The following LRRC7 variants were observed in gnomAD, a reference collection of about 807,000 sequenced individuals.
LRRC7 encodes leucine rich repeat containing 7, also known as leucine-rich repeat-containing protein 7.
Under a neutral mutation model 175.7 loss-of-function variants are expected in LRRC7, and 23 were observed. The ratio of observed to expected loss-of-function variants is 0.13; its 90% confidence interval spans 0.09 to 0.19. The LOEUF is 0.19. Among genes scored for constraint, LRRC7 ranks in the 10% least tolerant of loss-of-function variants. The pLI is 1.00. For missense variants in LRRC7, 1,354 were observed against 1,904.7 expected (o/e 0.71, Z 5.38); for synonymous variants, 685 against 680.9 (o/e 1.01, Z -0.09).
chr1:69,594,002 A>G (rs1553122373), intron 1 of LRRC7, among the ~76,000 whole-genome samples: 1 of 152,092 alleles, frequency 6.6e-6, no homozygotes, highest in Non-Finnish European at 1.5e-5. Context: ...TTCTGCAGGT[A>G]TTTTTTTCCT....
At chr1:70,117,807 C>A (rs1385110557) in intron 26 of LRRC7, among the ~76,000 whole-genome samples, 3 of 152,002 alleles carry the variant, frequency 2.0e-5, no homozygotes, top group Admixed American at 6.6e-5. Flanking sequence ...CAAAATTGTA[C>A]ACATTTTATT....
chr1:69,772,078 G>A (rs984338690), intron 3 of LRRC7, among the ~76,000 whole-genome samples: 3 of 152,084 alleles, frequency 2.0e-5, no homozygotes, highest in East Asian at 1.9e-4. Flanking sequence ...CTGAAATCGC[G>A]CCACTGCATT....
At chr1:70,079,101 A>G (rs991018797) in intron 24 of LRRC7, among the ~76,000 whole-genome samples, 13 of 152,262 alleles carry the variant, frequency 8.5e-5, no homozygotes, top group African/African-American at 2.2e-4. Flanking sequence ...GACCTTTTTA[A>G]TAAGTGTATG....
chr1:69,939,906 C>T (rs1648534365), intron 8 of LRRC7, among the ~76,000 whole-genome samples: 1 of 152,188 alleles, frequency 6.6e-6, no homozygotes, highest in Admixed American at 6.6e-5. Context: ...GAAAAGCAAT[C>T]ATTCCATAGT....
At position 70,023,269 on chromosome 1, in the gene LRRC7, G is replaced by A. The variant is rs763031425; in HGVS notation, c.1689G>A (p.Gln563=). Residue 563 remains glutamine, a synonymous_variant, in exon 17 of 27, where the codon CAG becomes CAA. Coordinates refer to ENST00000651989, the MANE Select transcript of LRRC7 (RefSeq NM_001370785.2). ...TGCCCGTCCCCCAGAATGACCCACAGCTGGCATGGGGTTGTATAAGTGGCC... is the reference window on the plus strand; with the variant it reads ...TGCCCGTCCCCCAGAATGACCCACAACTGGCATGGGGTTGTATAAGTGGCC... ...QDMPVPQNDP[Q]LAWGCISGLQ... The A allele has an allele frequency of 6.2e-7, 1 of 1,613,568 alleles. No individual in the cohort carries two copies. Among genetic ancestry groups the A allele is most frequent in the South Asian group, 1.1e-5 (1 of 91,004 alleles).
chr1:69,644,251 T>C (rs927971063), intron 1 of LRRC7, among the ~76,000 whole-genome samples: 4 of 152,038 alleles, frequency 2.6e-5, no homozygotes, highest in Non-Finnish European at 4.4e-5. Context: ...AAGAGAGAGA[T>C]ATTGTGTTTT....
At chr1:69,682,832 T>TG (rs1205248987) in intron 2 of LRRC7, among the ~76,000 whole-genome samples, 1 of 152,314 alleles carries the variant, frequency 6.6e-6, no homozygotes, top group African/African-American at 2.4e-5. Context: ...ATAGTCCCTC[T>TG]GGTTACTCTT....
At chr1:70,034,973 A>G (rs192897160) in intron 18 of LRRC7, among the ~76,000 whole-genome samples, 55 of 152,298 alleles carry the variant, frequency 3.6e-4, no homozygotes, top group Admixed American at 6.5e-4. Flanking sequence ...TATAAAATTT[A>G]TAGTAAGAGT....
At chr1:70,053,274 A>G (rs1660881774) in intron 23 of LRRC7, 129 bp downstream of exon 23, 3 of 835,484 alleles carry the variant, frequency 3.6e-6, no homozygotes, top group Non-Finnish European at 5.1e-6. Flanking sequence ...TTATGCTACT[A>G]CACGAGTTTG....
intron 25 of LRRC7, among the ~76,000 whole-genome samples, chr1:70,103,808 G>T (rs1410491894): frequency 2.6e-5 from 4 of 152,126 alleles, no homozygotes; most frequent in African/African-American, 9.7e-5. Flanking sequence ...AATTAAACTT[G>T]AAATTAAAGT....
intron 5 of LRRC7, among the ~76,000 whole-genome samples, chr1:69,830,731 A>G (rs1680435710): frequency 6.6e-6 from 1 of 151,958 alleles, no homozygotes; most frequent in South Asian, 2.1e-4. Context: ...GAGTTGAAAT[A>G]AAACATAGAT....
chr1:69,718,132 A>AAGGAGAGAG (rs1665879559), intron 2 of LRRC7, among the ~76,000 whole-genome samples: 1 of 54,764 alleles, frequency 1.8e-5, no homozygotes. Context: ...AAAGAAAAGA[A>AAGGAGAGAG]AGAAAGAGAG....
intron 1 of LRRC7, among the ~76,000 whole-genome samples, chr1:69,663,946 C>T (rs566484014): frequency 1.1e-4 from 16 of 151,838 alleles, no homozygotes; most frequent in African/African-American, 2.9e-4. Context: ...TGGTCTCGAT[C>T]TCCTGACCTC....
intron 1 of LRRC7, among the ~76,000 whole-genome samples, chr1:69,669,257 G>A (rs1026935301): frequency 6.6e-6 from 1 of 152,156 alleles, no homozygotes; most frequent in Admixed American, 6.5e-5. Context: ...TGGCAGAACA[G>A]ATCTGGTGTT....
chr1:69,779,796 A>G (rs1170943634), intron 3 of LRRC7, among the ~76,000 whole-genome samples: 1 of 152,220 alleles, frequency 6.6e-6, no homozygotes, highest in East Asian at 1.9e-4. Flanking sequence ...CACATTCAGC[A>G]TTGTTAAAAT....
intron 7 of LRRC7, among the ~76,000 whole-genome samples, chr1:69,871,318 A>G (rs1012834058): frequency 6.6e-6 from 1 of 152,070 alleles, no homozygotes; most frequent in African/African-American, 2.4e-5. Context: ...CTGTTAGACA[A>G]TTTTATTTTT....
chr1:69,880,701 C>T lies in LRRC7; in HGVS notation c.647+42418C>T, dbSNP rs12135517. On this transcript the variant is annotated intron_variant, in intron 7 of 26. Transcript: ENST00000651989. ...AGAAAAAGTAAACAAAATTGGGAGA[C>T]ATTTTTGGAAGTGAAATTCAAAGGA... Among the ~76,000 whole-genome samples, 1,331 of 152,076 alleles carry T rather than the reference C, an allele frequency of 8.8e-3. 7 individuals are homozygous for T. Among genetic ancestry groups the T allele is most frequent in the Middle Eastern group, 0.027 (8 of 294 alleles).
At chr1:69,921,131 G>T (rs567983912) in intron 7 of LRRC7, among the ~76,000 whole-genome samples, 5 of 152,188 alleles carry the variant, frequency 3.3e-5, no homozygotes, top group African/African-American at 1.2e-4. Context: ...TTAAGATCTG[G>T]GGGGAGAAAG....
At chr1:69,949,728 A>G (rs1489095759) in intron 8 of LRRC7, among the ~76,000 whole-genome samples, 1 of 152,174 alleles carries the variant, frequency 6.6e-6, no homozygotes, top group Non-Finnish European at 1.5e-5. Context: ...CTTGCAAAGA[A>G]TGGATTCTTA....
Sources: allele counts gnomAD v4.1 joint callset (sites outside exome capture counted in the v4.1 genomes callset), GRCh38; gene constraint gnomAD v4.1.1; transcripts MANE v1.5; gene names NCBI Gene and HGNC (gene_info 2026-07-23, HGNC 2026-07-21).